HSPG2: variants seen among roughly 807,000 people sequenced by gnomAD.
HSPG2 encodes basement membrane-specific heparan sulfate proteoglycan core protein.
Under a neutral mutation model 526.6 loss-of-function variants are expected in HSPG2, and 278 were observed. The observed-to-expected ratio is 0.53, with a 90% CI of 0.48 to 0.58. The LOEUF is 0.58. Among genes scored for constraint, HSPG2 ranks in the 20% least tolerant of loss-of-function variants. The pLI is 0.00. For synonymous variants in HSPG2, 2,465 were observed against 2,555.4 expected (o/e 0.96, Z 1.07); for missense variants, 5,354 against 6,099.5 (o/e 0.88, Z 4.07).
At chr1:21,892,165 A>G (rs927645654) in intron 3 of HSPG2, among the ~76,000 whole-genome samples, 15 of 152,352 alleles carry the variant, frequency 9.8e-5, no homozygotes, top group African/African-American at 3.6e-4. Flanking sequence ...CAGGTGAAGA[A>G]AGCCCTGGCG....
chr1:21,911,448 C>T (rs1337077703), intron 1 of HSPG2, among the ~76,000 whole-genome samples: 1 of 142,858 alleles, frequency 7.0e-6, no homozygotes, highest in African/African-American at 2.6e-5. Flanking sequence ...CCAAGGGCCC[C>T]AGAGCAGGCA....
In HSPG2 at chr1:21,852,791, G is replaced by A. The variant is rs150598449; in HGVS notation, c.6633C>T (p.Ala2211=). Residue 2211 remains alanine, a synonymous_variant, in exon 52 of 97, where the codon GCC becomes GCT. Transcript: ENST00000374695. Reference sequence around the variant, plus strand: ...CATGGCACACATACTCGCCTGAGTCGGCCGGGGTCACCTGGTGCAGCCGCA... The same window carrying A: ...CATGGCACACATACTCGCCTGAGTCAGCCGGGGTCACCTGGTGCAGCCGCA... ...SLLRLHQVTP[A]DSGEYVCHVV... 40 of 1,612,836 alleles carry A rather than the reference G, an allele frequency of 2.5e-5. No homozygotes were observed. Among genetic ancestry groups the A allele is most frequent in the East Asian group, 1.6e-4 (7 of 44,896 alleles).
Position 21,831,213 on chromosome 1 carries a change from A to T in HSPG2, c.11562+2T>A. ...CAGGTGGTGTGTGGGGTGTGGGGTC[A>T]CCTGGCAGGGCCGGTCCCGACAGGT... On this transcript the variant is annotated splice_donor_variant, in intron 84 of 96. Coordinates refer to ENST00000374695, the MANE Select transcript of HSPG2 (RefSeq NM_005529.7). LOFTEE classifies it high-confidence loss of function. The T allele has an allele frequency of 6.2e-7, 1 of 1,613,528 alleles. No homozygotes were observed. Among genetic ancestry groups the T allele is most frequent in the Non-Finnish European group, 8.5e-7 (1 of 1,179,566 alleles).
chr1:21,842,159 A>T lies in HSPG2; in HGVS notation c.9053-17T>A, dbSNP rs1368445191. ...TCCTAAGGCCTGGGGCCAAAGGGGC[A>T]GAGGGCTGGGCTCAGCAGGGGTGGG... On this transcript the variant is annotated splice_polypyrimidine_tract_variant and intron_variant, in intron 68 of 96. Transcript: ENST00000374695. 6.8e-6 allele frequency: 11 copies of T among 1,613,516 alleles called. No individual in the cohort carries two copies. Among genetic ancestry groups the T allele is most frequent in the Non-Finnish European group, 9.3e-6 (11 of 1,179,934 alleles).
At position 21,841,574 on chromosome 1, in the gene HSPG2, C is replaced by A; in HGVS notation, c.9293G>T (p.Gly3098Val). The change falls in exon 70 of 97, where the codon GGT (glycine) becomes GTT (valine). Residue 3098 changes from glycine (G) to valine (V), a missense_variant. Gly to Val is a moderately radical substitution (Grantham distance 109, BLOSUM62 -3). Coordinates refer to ENST00000374695, the MANE Select transcript of HSPG2 (RefSeq NM_005529.7). The stretch of plus-strand genomic sequence containing the variant: ...GAGGTTCACCACACTCTGGGCCACA[C>A]CGTAGGCATTGGAGGCCACGCAGCG... ...TYRCVASNAY[G>V]VAQSVVNLSV... is the part of the protein sequence containing the mutation. 6.2e-7 allele frequency: 1 copy of A among 1,614,256 alleles called. No homozygotes were observed. Among genetic ancestry groups the A allele is most frequent in the Non-Finnish European group, 8.5e-7 (1 of 1,180,036 alleles).
chr1:21,881,035 G>C (rs1419121320), intron 14 of HSPG2, among the ~76,000 whole-genome samples, 200 bp from the exon 15 acceptor site: 1 of 152,196 alleles, frequency 6.6e-6, no homozygotes, highest in Non-Finnish European at 1.5e-5. Context: ...TCCATGGCAG[G>C]GTGTGGAATC....
At position 21,865,007 on chromosome 1, in the gene HSPG2, G is replaced by T; in HGVS notation, c.4462C>A (p.Leu1488Met). 6.3e-7 allele frequency: 1 copy of T among 1,579,880 alleles called. No homozygotes were observed. Among genetic ancestry groups the T allele is most frequent in the African/African-American group, 1.3e-5 (1 of 74,234 alleles). Residue 1488 changes from leucine to methionine, a missense_variant, in exon 36 of 97, where the codon CTG becomes ATG. Physicochemically the swap from Leu to Met is conservative, Grantham distance 15. Transcript: ENST00000374695. The surrounding 1 kb of genome is among the most constrained non-coding windows in gnomAD (Gnocchi z 5.4). ...GTGGCCCGGATCAGGAGCTCATCCA[G>T]GTCGGCCAGTGCCATCAGGAGGTGC... Reference protein sequence around the residue: ...REHLLMALADLDELLIRATFS... With the variant: ...REHLLMALADMDELLIRATFS...
At chr1:21,834,011 C>T in intron 77 of HSPG2, 86 bp from the exon 78 acceptor site, 9 of 889,426 alleles carry the variant, frequency 1.0e-5, no homozygotes, top group Non-Finnish European at 1.5e-5. Context: ...TTCATCTTCA[C>T]ACCACCCCTT....
intron 1 of HSPG2, chr1:21,908,074 G>T (rs1242995196): frequency 2.6e-6 from 2 of 757,550 alleles, no homozygotes; most frequent in East Asian, 4.9e-5. Flanking sequence ...GGCCGGAACC[G>T]CCATCTTCCA....
In HSPG2 at chr1:21,842,058, T is replaced by C. The variant is rs754885114; in HGVS notation, c.9137A>G (p.His3046Arg). 4.3e-6 allele frequency: 7 copies of C among 1,613,482 alleles called. No homozygotes were observed. The highest frequency in any genetic ancestry group is 1.3e-5 in the African/African-American group (1 of 74,932). The change falls in exon 69 of 97, where the codon CAT becomes CGT. Residue 3046 changes from histidine (H) to arginine (R), a missense_variant. His to Arg is a conservative substitution (Grantham distance 29). Coordinates refer to ENST00000374695, the MANE Select transcript of HSPG2 (RefSeq NM_005529.7). ...GQDASFKCLI[H>R]DGAAPISLEW... ...GAGGCTGATGGGGGCTGCCCCGTCA[T>C]GGATGAGGCACTTGAAGCTGGCATC... is the stretch of plus-strand genomic sequence containing the variant.
intron 1 of HSPG2, among the ~76,000 whole-genome samples, chr1:21,912,625 G>T (rs370958997): frequency 6.6e-6 from 1 of 152,218 alleles, no homozygotes; most frequent in African/African-American, 2.4e-5. Flanking sequence ...ACTTCCGGCT[G>T]CTGGGGAACT....
At chr1:21,874,311 C>T in intron 28 of HSPG2, 95 bp downstream of exon 28, 1 of 1,520,860 alleles carries the variant, frequency 6.6e-7, no homozygotes, top group Non-Finnish European at 9.0e-7. Flanking sequence ...CAGGATTTAA[C>T]CACTGCCTCT....
At chr1:21,841,074 G>T in intron 71 of HSPG2, 27 bp downstream of exon 71, 1 of 1,573,710 alleles carries the variant, frequency 6.4e-7, no homozygotes, top group South Asian at 1.2e-5. Flanking sequence ...CTGGGCCTCA[G>T]ACCCAGAGAG....
In HSPG2 at chr1:21,896,296, C is replaced by A; in HGVS notation, c.78G>T (p.Leu26=). The change falls in exon 2 of 97, where the codon CTG becomes CTT. Residue 26 remains leucine, a synonymous_variant. Coordinates refer to ENST00000374695, the MANE Select transcript of HSPG2 (RefSeq NM_005529.7). ...HGRLLAVTHG[L]RAYDGLSLPE... ...GCAGAGACAAGCCATCGTATGCCCTCAGCCCATGGGTCACCTGTAAGCAAA... is the reference window on the plus strand; with the variant it reads ...GCAGAGACAAGCCATCGTATGCCCTAAGCCCATGGGTCACCTGTAAGCAAA... 1.2e-6 allele frequency: 2 copies of A among 1,613,590 alleles called. No homozygotes were observed. The highest frequency in any genetic ancestry group is 1.7e-6 in the Non-Finnish European group (2 of 1,180,026).
At chr1:21,826,896 C>T (rs921107140) in intron 91 of HSPG2, among the ~76,000 whole-genome samples, 4 of 152,018 alleles carry the variant, frequency 2.6e-5, no homozygotes, top group East Asian at 1.9e-4. Context: ...ACTAAGTGGC[C>T]GGGCGCGGTG....
rs1277479497 is a variant in HSPG2 at position 21,887,124 on chromosome 1, A to G, written c.1078+91T>C. 2 of 1,060,952 alleles carry G rather than the reference A, an allele frequency of 1.9e-6. No individual in the cohort carries two copies. The highest frequency in any genetic ancestry group is 2.5e-6 in the Non-Finnish European group (2 of 799,452). 65.7% of individuals were successfully genotyped at this position (1,060,952 alleles called of 1,614,324 possible). A position where few individuals can be genotyped will look rare whatever the true frequency, so the allele number is the denominator to read the frequency against. ...TGGGGAGGGGGGAAAGCGGAGGGGC[A>G]GGGTAGGGGCGGGGCAGGAGTGGAA... On this transcript the variant is annotated intron_variant, in intron 9 of 96. Transcript: ENST00000374695. This position sits in a 1 kb window ranked among gnomAD's most constrained non-coding sequence, Gnocchi z 5.0.
At chr1:21,846,623 T>C in intron 62 of HSPG2, 24 bp from the exon 63 acceptor site, 2 of 1,613,138 alleles carry the variant, frequency 1.2e-6, no homozygotes, top group African/African-American at 1.3e-5. Flanking sequence ...GATCAGTGAG[T>C]CGGCACAGCC....
intron 1 of HSPG2, among the ~76,000 whole-genome samples, chr1:21,918,240 G>A (rs1048801872): frequency 1.4e-4 from 22 of 152,060 alleles, no homozygotes; most frequent in Non-Finnish European, 7.4e-5. Context: ...CGAGGCAGGC[G>A]GATCACCTGA....
intron 1 of HSPG2, among the ~76,000 whole-genome samples, chr1:21,931,786 C>T (rs1157951341): frequency 3.9e-5 from 6 of 152,188 alleles, no homozygotes; most frequent in Admixed American, 2.0e-4. Flanking sequence ...CAAGGCCAGG[C>T]AGCCCTTGAA....
Sources: gnomAD v4.1 joint callset for allele counts (sites outside exome capture counted in the v4.1 genomes callset) on GRCh38, gnomAD v4.1.1 for gene constraint, Gnocchi (gnomAD v3.1) non-coding constraint, MANE v1.5 for transcripts, NCBI Gene and HGNC (gene_info 2026-07-23, HGNC 2026-07-21) for gene names.